Variants in HMGXB3 observed in about 807,000 individuals in gnomAD.
HMGXB3 encodes the protein HMG domain-containing protein 3.
A neutral mutation model predicts 121.5 loss-of-function variants in HMGXB3; 45 were observed. That is an observed-to-expected ratio of 0.37 (90% CI 0.29 to 0.47). The LOEUF (loss-of-function observed/expected upper bound fraction) is 0.47. Ranked by LOEUF, HMGXB3 falls within the 20% of genes least tolerant of loss-of-function variation. The pLI, the probability that HMGXB3 is intolerant of heterozygous loss-of-function variation, is 0.99. For missense variants in HMGXB3, 1,376 were observed against 1,602.2 expected, an observed-to-expected ratio of 0.86 and a Z score of 2.41; for synonymous variants, 590 against 624.1, an observed-to-expected ratio of 0.95 and a Z score of 0.81.
At chr5:150,037,301 C>A (rs1286448019) in intron 12 of HMGXB3, 99 bp from the exon 13 acceptor site, 1 of 1,203,012 alleles carries the variant, frequency 8.3e-7, no homozygotes, top group African/African-American at 1.5e-5. Context: ...ATCCTAAGCT[C>A]CAGCAAATGA....
intron 6 of HMGXB3, among the ~76,000 whole-genome samples, chr5:150,018,910 C>G (rs1320063078): frequency 2.0e-5 from 3 of 151,924 alleles, no homozygotes; most frequent in Non-Finnish European, 4.4e-5. Context: ...AAAGAAAAGC[C>G]ATTATTAACA....
At chr5:150,021,365 C>T (rs1246572971) in intron 6 of HMGXB3, among the ~76,000 whole-genome samples, 1 of 152,200 alleles carries the variant, frequency 6.6e-6, no homozygotes, top group Non-Finnish European at 1.5e-5. Context: ...TTCACACAGC[C>T]AATTATCCCA....
At chr5:150,037,575 G>T (rs6887999) in intron 13 of HMGXB3, 48 bp downstream of exon 13, 172,555 of 1,447,226 alleles carry the variant, frequency 0.12, 12,466 homozygotes, top group Admixed American at 0.3. Flanking sequence ...AGCAGGCTTG[G>T]GAACTGCCTC....
chr5:150,037,314 A>G, intron 12 of HMGXB3, 86 bp from the exon 13 acceptor site: 2 of 1,298,086 alleles, frequency 1.5e-6, no homozygotes, highest in Middle Eastern at 1.9e-4. Context: ...GCAAATGAGA[A>G]TTTGCCATTG....
chr5:150,051,744 T>A lies in HMGXB3; in HGVS notation c.3431T>A (p.Leu1144His), dbSNP rs1187911145. Reference sequence around the variant, plus strand: ...TTCTAGAGTGTGTCCTGCCCAGAGCTCTTGGACCAGCATTATACTGTGGAC... The same window carrying A: ...TTCTAGAGTGTGTCCTGCCCAGAGCACTTGGACCAGCATTATACTGTGGAC... Reference protein sequence around the residue: ...EPPVSVSCPELLDQHYTVDMT... With the variant: ...EPPVSVSCPEHLDQHYTVDMT... Residue 1144 changes from leucine (L) to histidine (H), a missense_variant, in exon 20 of 20, where the codon CTC becomes CAC. Physicochemically the swap from Leu to His is moderately conservative, Grantham distance 99. Around this residue, in one of 2 missense-constraint regions of HMGXB3, gnomAD observed 260 missense variants for 233.2 expected, o/e 1.11. Transcript: ENST00000502717. The A allele has an allele frequency of 2.0e-6, 3 of 1,530,554 alleles. No individual in the cohort carries two copies. The highest frequency in any genetic ancestry group is 2.6e-6 in the Non-Finnish European group (3 of 1,139,568). The allele number at this position is 1,530,554 out of a possible 1,614,324, so 94.8% of individuals were successfully genotyped here.
chr5:150,011,603 G>GTTTTTTT lies in HMGXB3; in HGVS notation c.811-652_811-651insTTTTTTT. Among the ~76,000 whole-genome samples the GTTTTTTT allele has an allele frequency of 1.4e-5, 2 of 143,206 alleles. 1 individual carries two copies. Among genetic ancestry groups the GTTTTTTT allele is most frequent in the African/African-American group, 5.6e-5 (2 of 35,720 alleles). 93.9% of individuals were successfully genotyped at this position (143,206 alleles called of 152,430 possible). On this transcript the variant is annotated intron_variant, in intron 4 of 19. Transcript: ENST00000502717. ...TTGTTGTTGTTGGTTGTTTTTTTTT[G>GTTTTTTT]GTTTTTTTTTTTTTTTTTGAGACGG...
rs1457684536 is a variant in HMGXB3, at chr5:150,045,505, G to T, written c.2770G>T (p.Val924Leu). Residue 924 changes from valine to leucine, a missense_variant, in exon 16 of 20, where the codon GTG becomes TTG. This residue lies in a region of HMGXB3 where 1,116 missense variants were observed against 1,369.0 expected (regional missense o/e 0.82). Coordinates refer to ENST00000502717, the MANE Select transcript of HMGXB3 (RefSeq NM_014983.3). ...PEFLGSNEVN[V>L]EDFWATMETE... ...ATTCCTGGGCTCTAATGAGGTAAAT[G>T]TGGAGGACTTTTGGGCCACGATGGA... 8.4e-5 allele frequency: 130 copies of T among 1,552,354 alleles called. No individual in the cohort carries two copies. The highest frequency in any genetic ancestry group is 1.1e-4 in the Non-Finnish European group (128 of 1,147,124).
chr5:150,040,965 T>C, intron 14 of HMGXB3, 86 bp downstream of exon 14: 3 of 1,237,866 alleles, frequency 2.4e-6, no homozygotes, highest in Non-Finnish European at 3.3e-6. Flanking sequence ...AAAGACTCAT[T>C]TTGAAGAAGA....
intron 5 of HMGXB3, among the ~76,000 whole-genome samples, chr5:150,013,353 G>T (rs116075648): frequency 6.6e-6 from 1 of 152,034 alleles, no homozygotes; most frequent in African/African-American, 2.4e-5. Context: ...AGAATTTTCC[G>T]GAAGTTGGTT....
intron 14 of HMGXB3, 118 bp from the exon 15 acceptor site, chr5:150,041,667 G>C: frequency 1.3e-6 from 1 of 743,726 alleles, no homozygotes; most frequent in Non-Finnish European, 2.2e-6. Flanking sequence ...GTACACTGGA[G>C]TGTTCTTTAA....
In HMGXB3 at chr5:150,010,601, T is replaced by A. The variant is rs1194137464; in HGVS notation, c.803T>A (p.Val268Asp). ...GGGGAGAGTGTATCAGTGGTAACAG[T>A]CATGAGGGTAAGTGGCTTTGGTACT... ...QVGESVSVVT[V>D]MRDSSESSSS... is the part of the protein sequence containing the mutation. The change falls in exon 4 of 20, where the codon GTC becomes GAC. Residue 268 changes from valine to aspartate, a missense_variant. By Grantham distance (152) the Val-to-Asp change is radical. Around this residue, in one of 2 missense-constraint regions of HMGXB3, gnomAD observed 1,116 missense variants for 1,369.0 expected, o/e 0.82. Coordinates refer to ENST00000502717, the MANE Select transcript of HMGXB3 (RefSeq NM_014983.3). 1.3e-6 allele frequency: 2 copies of A among 1,549,854 alleles called. No homozygotes were observed. The highest frequency in any genetic ancestry group is 1.7e-6 in the Non-Finnish European group (2 of 1,146,296).
rs570674868 is a variant in HMGXB3, at chr5:150,041,990, G to T, written c.2730+21G>T. The T allele has an allele frequency of 3.9e-6, 6 of 1,540,740 alleles. No homozygotes were observed. The East Asian group carries it at 7.4e-5, about 19-fold the overall frequency. ...TGGAGGTAAGTGCCTCTTAGCCACC[G>T]TGAGGGACCTGCGGAATTTTCTCAT... On this transcript the variant is annotated intron_variant, in intron 15 of 19. Transcript: ENST00000502717.
chr5:150,031,408 T>C (rs1455294421), intron 10 of HMGXB3, among the ~76,000 whole-genome samples: 2 of 152,208 alleles, frequency 1.3e-5, no homozygotes, highest in African/African-American at 4.8e-5. Flanking sequence ...AGCAGGGAAA[T>C]AAATGCTAGA....
chr5:150,030,906 G>T (rs1261572053), intron 10 of HMGXB3, 67 bp downstream of exon 10: 1 of 1,167,272 alleles, frequency 8.6e-7, no homozygotes, highest in Non-Finnish European at 1.3e-6. Flanking sequence ...TTGAAGGTCA[G>T]TAGGAGGCTG....
intron 4 of HMGXB3, among the ~76,000 whole-genome samples, chr5:150,011,339 A>G (rs921478888): frequency 1.3e-5 from 2 of 152,206 alleles, no homozygotes; most frequent in Non-Finnish European, 2.9e-5. Flanking sequence ...TAGAAGTGGA[A>G]GTGGAGAGAA....
At chr5:150,050,562 A>G (rs774710690) in intron 19 of HMGXB3, 101 bp downstream of exon 19, 1 of 866,466 alleles carries the variant, frequency 1.2e-6, no homozygotes, top group Non-Finnish European at 1.8e-6. Flanking sequence ...GCTCACTGCA[A>G]CCTCTGCCTC....
intron 18 of HMGXB3, among the ~76,000 whole-genome samples, chr5:150,049,923 G>A (rs1756851052): frequency 6.6e-6 from 1 of 152,180 alleles, no homozygotes; most frequent in African/African-American, 2.4e-5. Flanking sequence ...CCAGCTCTTA[G>A]CTGCTGCTGC....
intron 2 of HMGXB3, 56 bp downstream of exon 2, chr5:150,005,045 A>G: frequency 6.6e-7 from 1 of 1,513,260 alleles, no homozygotes. Flanking sequence ...TTGCTTGGAG[A>G]GCTGCATTGA....
chr5:150,034,096 T>C (rs714099), intron 11 of HMGXB3, among the ~76,000 whole-genome samples: 39,742 of 152,058 alleles, frequency 0.26, 8,662 homozygotes, highest in African/African-American at 0.59. Flanking sequence ...AATTGAGTTT[T>C]AAGGAGTTTA....
Sources: allele counts gnomAD v4.1 joint callset (sites outside exome capture counted in the v4.1 genomes callset), GRCh38; gene constraint gnomAD v4.1.1; regional missense constraint gnomAD v4.1.1; transcripts MANE v1.5; gene names NCBI Gene and HGNC (gene_info 2026-07-23, HGNC 2026-07-21).